Variants in DENND4A observed in about 807,000 individuals in gnomAD.
DENND4A encodes C-myc promoter-binding protein.
In DENND4A, 70 loss-of-function variants were observed where a neutral mutation model predicts 199.3. The ratio of observed to expected loss-of-function variants is 0.35; its 90% CI spans 0.29 to 0.43. DENND4A has a LOEUF of 0.43. Ranked by LOEUF, DENND4A falls within the 20% of genes least tolerant of loss-of-function variation. The probability of loss-of-function intolerance (pLI) is 1.00; values close to 1 mark genes in which losing one functional copy is unlikely to be tolerated. For synonymous variants in DENND4A, 686 were observed against 766.9 expected (o/e 0.89, Z 1.74); for missense variants, 1,723 against 2,255.8 (o/e 0.76, Z 4.78).
chr15:65,791,839 C>A lies in DENND4A; in HGVS notation c.-102+171G>T, dbSNP rs573509596. ...CACCGCCGCGCCATCCCGGGGCGGA[C>A]CGAGCCGCGGAGCACCTCCCGGATC... On this transcript the variant is annotated intron_variant, in intron 1 of 32. Transcript: ENST00000443035. Among the ~76,000 whole-genome samples, 259 of 152,308 alleles carry A rather than the reference C, an allele frequency of 1.7e-3. 1 individual carries two copies. The highest frequency in any genetic ancestry group is 5.8e-3 in the African/African-American group (242 of 41,576).
intron 4 of DENND4A, among the ~76,000 whole-genome samples, chr15:65,745,706 G>A (rs887940892): frequency 6.6e-6 from 1 of 151,962 alleles, no homozygotes; most frequent in Non-Finnish European, 1.5e-5. Flanking sequence ...TAACTTTGGT[G>A]ACAATAAAAA....
intron 21 of DENND4A, 100 bp downstream of exon 21, chr15:65,697,167 G>A (rs2077174657): frequency 1.4e-6 from 1 of 726,066 alleles, no homozygotes; most frequent in Admixed American, 3.1e-5. Flanking sequence ...AGTTATAATG[G>A]AAAAATGGAA....
In DENND4A at chr15:65,729,574, C is replaced by T. The variant is rs1382188533; in HGVS notation, c.1271G>A (p.Arg424Gln). The T allele has an allele frequency of 1.9e-6, 3 of 1,606,316 alleles. No homozygotes were observed. Among genetic ancestry groups the T allele is most frequent in the East Asian group, 2.2e-5 (1 of 44,646 alleles). ...TEHKILIHSL[R>Q]PSVLTSVTEA... Reference sequence around the variant, plus strand: ...TGTCACACTAGTAAGCACGGATGGCCGTAGGGAATGGATAAGAATTTTATG... The same window carrying T: ...TGTCACACTAGTAAGCACGGATGGCTGTAGGGAATGGATAAGAATTTTATG... The change falls in exon 10 of 33, where the codon CGG (arginine) becomes CAG (glutamine). Residue 424 changes from arginine (R) to glutamine (Q), a missense_variant. Coordinates refer to ENST00000443035, the MANE Select transcript of DENND4A (RefSeq NM_001320835.1).
intron 25 of DENND4A, among the ~76,000 whole-genome samples, chr15:65,671,064 T>C (rs1341876833): frequency 1.3e-5 from 2 of 152,130 alleles, no homozygotes; most frequent in Non-Finnish European, 2.9e-5. Context: ...ATGAAAAACA[T>C]GGTGGAAGAA....
At chr15:65,665,085 C>T (rs1221860707) in intron 30 of DENND4A, 2 of 451,646 alleles carry the variant, frequency 4.4e-6, no homozygotes, top group African/African-American at 2.0e-5. Flanking sequence ...ACAACCAACC[C>T]CTCCAGCACA....
intron 1 of DENND4A, among the ~76,000 whole-genome samples, chr15:65,781,667 A>G (rs573935418): frequency 1.6e-4 from 24 of 152,326 alleles, no homozygotes; most frequent in African/African-American, 3.6e-4. Context: ...TAGGTAAATA[A>G]AGTCCAGTTT....
At chr15:65,758,842 C>G (rs537325611) in intron 2 of DENND4A, among the ~76,000 whole-genome samples, 2 of 152,270 alleles carry the variant, frequency 1.3e-5, no homozygotes, top group Non-Finnish European at 2.9e-5. Context: ...CCTCAGCAGT[C>G]TTTTGATAAA....
chr15:65,710,774 T>C (rs2075225068), intron 14 of DENND4A, among the ~76,000 whole-genome samples: 1 of 152,220 alleles, frequency 6.6e-6, no homozygotes, highest in African/African-American at 2.4e-5. Context: ...GGTGTTTGGG[T>C]CATGGGACAA....
At chr15:65,698,238 C>T (rs990771798) in intron 20 of DENND4A, among the ~76,000 whole-genome samples, 6 of 152,152 alleles carry the variant, frequency 3.9e-5, no homozygotes, top group Admixed American at 1.3e-4. Flanking sequence ...CCCTGCACTC[C>T]AGTCTGGGCG....
intron 23 of DENND4A, among the ~76,000 whole-genome samples, chr15:65,678,766 A>G (rs1281795012): frequency 1.3e-5 from 2 of 151,150 alleles, no homozygotes; most frequent in African/African-American, 4.9e-5. Context: ...CACAGCTCAT[A>G]GCAGCCTCGA....
intron 22 of DENND4A, among the ~76,000 whole-genome samples, chr15:65,691,888 T>C (rs2076981225): frequency 6.6e-6 from 1 of 151,930 alleles, no homozygotes; most frequent in African/African-American, 2.4e-5. Context: ...TTTATATTAA[T>C]TCCACTAAAT....
At chr15:65,729,817 TCA>T (rs1251857135) in intron 9 of DENND4A, 139 bp from the exon 10 acceptor site, 1 of 760,786 alleles carries the variant, frequency 1.3e-6, no homozygotes, top group Non-Finnish European at 2.0e-6. Flanking sequence ...TATTATATAT[TCA>T]CCGTTAAACA....
At chr15:65,788,619 A>G (rs1596721811) in intron 1 of DENND4A, among the ~76,000 whole-genome samples, 2 of 152,070 alleles carry the variant, frequency 1.3e-5, no homozygotes, top group African/African-American at 4.8e-5. Context: ...GCACTTTGGG[A>G]GGCCAACGCG....
At chr15:65,784,951 C>T (rs960156506) in intron 1 of DENND4A, among the ~76,000 whole-genome samples, 5 of 151,868 alleles carry the variant, frequency 3.3e-5, no homozygotes, top group Admixed American at 6.6e-5. Flanking sequence ...AGTTTAAGAC[C>T]AGCCTGACCA....
At chr15:65,745,365 C>A (rs1226218543) in intron 4 of DENND4A, among the ~76,000 whole-genome samples, 1 of 152,052 alleles carries the variant, frequency 6.6e-6, no homozygotes, top group Non-Finnish European at 1.5e-5. Context: ...AAACCCTTAA[C>A]CTTTTATTTT....
chr15:65,736,036 G>A (rs915089076), intron 7 of DENND4A, among the ~76,000 whole-genome samples: 5 of 152,076 alleles, frequency 3.3e-5, no homozygotes, highest in Admixed American at 6.6e-5. Flanking sequence ...TTACAATTTC[G>A]CCACCATGAG....
chr15:65,706,308 A>ATC, intron 14 of DENND4A, 84 bp from the exon 15 acceptor site: 1 of 1,261,272 alleles, frequency 7.9e-7, no homozygotes, highest in South Asian at 2.1e-5. Context: ...TAAATAAACC[A>ATC]TCTGCACAAT....
intron 1 of DENND4A, among the ~76,000 whole-genome samples, chr15:65,769,838 C>T (rs554199524): frequency 3.1e-4 from 47 of 151,952 alleles, no homozygotes; most frequent in Non-Finnish European, 5.1e-4. Context: ...TTCCATTAAC[C>T]GAGTATGCAG....
At chr15:65,718,724 C>G (rs2075494732) in intron 12 of DENND4A, among the ~76,000 whole-genome samples, 2 of 150,578 alleles carry the variant, frequency 1.3e-5, no homozygotes, top group South Asian at 4.2e-4. Flanking sequence ...CAAAAACTGC[C>G]CCCCTTTCCC....
Sources: allele counts gnomAD v4.1 joint callset (sites outside exome capture counted in the v4.1 genomes callset), GRCh38; gene constraint gnomAD v4.1.1; transcripts MANE v1.5; gene names NCBI Gene and HGNC (gene_info 2026-07-23, HGNC 2026-07-21).